PRRC2C: variants seen among roughly 807,000 people sequenced by gnomAD.
PRRC2C encodes the protein proline rich coiled-coil 2C.
PRRC2C carries 72 observed loss-of-function variants against 317.2 expected under a neutral mutation model. The observed-to-expected ratio is 0.23, with a 90% CI of 0.19 to 0.28. The LOEUF (loss-of-function observed/expected upper bound fraction) is 0.28. PRRC2C is among the 10% of genes least tolerant of loss of function. The probability of loss-of-function intolerance (pLI) is 1.00; values close to 1 mark genes in which losing one functional copy is unlikely to be tolerated. For synonymous variants in PRRC2C, 1,296 were observed against 1,205.9 expected (o/e 1.07, Z -1.55); for missense variants, 3,074 against 3,459.7 (o/e 0.89, Z 2.80).
chr1:171,524,389 A>T (rs7536075), intron 9 of PRRC2C, among the ~76,000 whole-genome samples: 121,913 of 151,598 alleles, frequency 0.8, 49,131 homozygotes, highest in Middle Eastern at 0.9. Flanking sequence ...CATTGTGACA[A>T]ACATCGTTTT....
chr1:171,521,893 A>G (rs955234860), intron 6 of PRRC2C, among the ~76,000 whole-genome samples: 1 of 152,202 alleles, frequency 6.6e-6, no homozygotes, highest in African/African-American at 2.4e-5. Context: ...TAATGTGTAC[A>G]TATCTTGTTG....
At chr1:171,537,971 G>C (rs1201467478) in intron 15 of PRRC2C, among the ~76,000 whole-genome samples, 1 of 152,136 alleles carries the variant, frequency 6.6e-6, no homozygotes, top group Non-Finnish European at 1.5e-5. Flanking sequence ...CGCGATCTCA[G>C]CTCACTGCAA....
At chr1:171,528,255 C>G (rs938519348) in intron 11 of PRRC2C, among the ~76,000 whole-genome samples, 15 of 150,680 alleles carry the variant, frequency 1.0e-4, no homozygotes, top group Non-Finnish European at 1.5e-5. Flanking sequence ...ATTGCAGTGT[C>G]TACCCTATTT....
chr1:171,499,807 C>T (rs1268880585), intron 1 of PRRC2C, among the ~76,000 whole-genome samples: 2 of 151,512 alleles, frequency 1.3e-5, no homozygotes, highest in Non-Finnish European at 2.9e-5. Context: ...CAAAAAAAGA[C>T]GAAACAGAAA....
At chr1:171,556,462 A>T (rs1356994277) in intron 18 of PRRC2C, among the ~76,000 whole-genome samples, 2 of 152,156 alleles carry the variant, frequency 1.3e-5, no homozygotes, top group African/African-American at 4.8e-5. Flanking sequence ...GAGATGAACC[A>T]GGTATCTCAT....
In PRRC2C at chr1:171,532,258, TG is replaced by T. The variant is rs936853407; in HGVS notation, c.1255-81del. 5.1e-6 allele frequency: 7 copies of T among 1,377,442 alleles called. No homozygotes were observed. The African/African-American group carries it at 1.0e-4, about 20-fold the overall frequency. The allele number at this position is 1,377,442 out of a possible 1,614,324, so 85.3% of individuals were successfully genotyped here. A position where few individuals can be genotyped will look rare whatever the true frequency, so the allele number is the denominator to read the frequency against. ...ATCAGAGAAATTTCTGATATTTTTG[TG>T]GGGTTTTTCCTTCTCCATGCCTGAT... On this transcript the variant is annotated intron_variant, in intron 11 of 34. Coordinates refer to ENST00000647382, the MANE Select transcript of PRRC2C (RefSeq NM_001387844.1).
At position 171,536,214 on chromosome 1, in the gene PRRC2C, G is replaced by A. The variant is rs1676798622; in HGVS notation, c.2229G>A (p.Gln743=). 6.2e-7 allele frequency: 1 copy of A among 1,613,478 alleles called. No individual in the cohort carries two copies. Among genetic ancestry groups the A allele is most frequent in the Non-Finnish European group, 8.5e-7 (1 of 1,179,680 alleles). ...MGFDPRWLMM[Q]SYMDPRMMSG... ...TTGATCCAAGGTGGCTCATGATGCA[G>A]TCCTACATGGATCCTCGAATGATGT... The change falls in exon 14 of 35, where the codon CAG becomes CAA. Residue 743 remains glutamine, a synonymous_variant. Coordinates refer to ENST00000647382, the MANE Select transcript of PRRC2C (RefSeq NM_001387844.1).
At position 171,513,217 on chromosome 1, in the gene PRRC2C, G is replaced by T. The variant is rs980972777; in HGVS notation, c.290+45G>T. 6.5e-6 allele frequency: 10 copies of T among 1,547,652 alleles called. No homozygotes were observed. The African/African-American group carries it at 1.2e-4, about 19-fold the overall frequency. On this transcript the variant is annotated intron_variant, in intron 3 of 34. Coordinates refer to ENST00000647382, the MANE Select transcript of PRRC2C (RefSeq NM_001387844.1). ...AGAATGAAGCCCTTCCCCTTTCTTT[G>T]TAGGGAACTTATGTTTGAGTACCTG...
Position 171,540,599 on chromosome 1 carries a change from A to G in PRRC2C, c.3133A>G (p.Thr1045Ala). The change falls in exon 16 of 35, where the codon ACT (threonine) becomes GCT (alanine). Residue 1045 changes from threonine (T) to alanine (A), a missense_variant. Around this residue, in one of 11 missense-constraint regions of PRRC2C, gnomAD observed 1,320 missense variants for 1,395.7 expected, o/e 0.95. Transcript: ENST00000647382. ...EKEGEKAEKV[T>A]EKVVVKPEKT... ...AGAAGGAGAAAAGGCCGAAAAGGTC[A>G]CTGAAAAAGTAGTTGTAAAGCCTGA... 5 of 1,613,980 alleles carry G rather than the reference A, an allele frequency of 3.1e-6. No homozygotes were observed. Among genetic ancestry groups the G allele is most frequent in the Non-Finnish European group, 4.2e-6 (5 of 1,179,888 alleles).
chr1:171,512,957 A>G (rs1671656305), intron 2 of PRRC2C, 38 bp from the exon 3 acceptor site: 1 of 1,546,440 alleles, frequency 6.5e-7, no homozygotes, highest in South Asian at 1.3e-5. Flanking sequence ...GGGTAATAAA[A>G]TAGATGTTCT....
chr1:171,560,415 G>A (rs1378814248), intron 19 of PRRC2C, among the ~76,000 whole-genome samples: 1 of 117,818 alleles, frequency 8.5e-6, no homozygotes, highest in Non-Finnish European at 1.9e-5. Context: ...CTCCAGTTTT[G>A]AAAGAAGTTC....
rs1684336922 is a variant in PRRC2C, at chr1:171,569,575, A to AATATATATATATATACAT, written c.6651+1251_6651+1252insCATATATATATATATATA. On this transcript the variant is annotated intron_variant, in intron 23 of 34. Transcript: ENST00000647382. ...CCCCCACTTTTATGAAAGTGGTTTA[A>AATATATATATATATACAT]ATATATATATATATATATGGTTTTT... Among the ~76,000 whole-genome samples the AATATATATATATATACAT allele has an allele frequency of 8.3e-5, 5 of 60,130 alleles. 2 individuals are homozygous for AATATATATATATATACAT. The highest frequency in any genetic ancestry group is 1.7e-4 in the Non-Finnish European group (5 of 29,816). 39.4% of individuals were successfully genotyped at this position (60,130 alleles called of 152,430 possible).
chr1:171,528,667 G>A (rs1432613396), intron 11 of PRRC2C, among the ~76,000 whole-genome samples: 1 of 152,140 alleles, frequency 6.6e-6, no homozygotes, highest in Admixed American at 6.6e-5. Flanking sequence ...CTCCAGGCAT[G>A]CTTTCTTTTC....
intron 6 of PRRC2C, among the ~76,000 whole-genome samples, chr1:171,520,415 A>G (rs982951120): frequency 1.3e-5 from 2 of 152,224 alleles, no homozygotes; most frequent in Non-Finnish European, 2.9e-5. Flanking sequence ...AAAGAGGGGA[A>G]ACCACGTGGG....
In PRRC2C at chr1:171,540,955, A is replaced by G. The variant is rs752199529; in HGVS notation, c.3489A>G (p.Lys1163=). 2 of 1,614,030 alleles carry G rather than the reference A, an allele frequency of 1.2e-6. No homozygotes were observed. The highest frequency in any genetic ancestry group is 1.7e-5 in the Admixed American group (1 of 60,022). ...CAGATTCAAGACCAGCAGTTAAAAAAGAATCAACTTTGCCTCCCAGGACCT... is the reference window on the plus strand; with the variant it reads ...CAGATTCAAGACCAGCAGTTAAAAAGGAATCAACTTTGCCTCCCAGGACCT... ...PRPDSRPAVK[K]ESTLPPRTYW... Residue 1163 remains lysine (K), a synonymous_variant, in exon 16 of 35, where the codon AAA becomes AAG. Transcript: ENST00000647382.
chr1:171,541,635 G>T lies in PRRC2C; in HGVS notation c.4169G>T (p.Gly1390Val), dbSNP rs1455525475. ...RQSEVPKPED[G>V]EPPRRHEQFI... Reference sequence around the variant, plus strand: ...TCAGAAGTTCCTAAACCAGAAGATGGAGAGCCGCCAAGAAGACATGAGCAG... The same window carrying T: ...TCAGAAGTTCCTAAACCAGAAGATGTAGAGCCGCCAAGAAGACATGAGCAG... Residue 1390 changes from glycine to valine, a missense_variant, in exon 16 of 35, where the codon GGA becomes GTA. Gly to Val is a moderately radical substitution (Grantham distance 109). Coordinates refer to ENST00000647382, the MANE Select transcript of PRRC2C (RefSeq NM_001387844.1). This position sits in a 1 kb window ranked among gnomAD's most constrained non-coding sequence, Gnocchi z 4.1. The T allele has an allele frequency of 1.9e-6, 3 of 1,613,792 alleles. No individual in the cohort carries two copies. In the Admixed American group the frequency reaches 5.0e-5, roughly 27 times the overall value.
At chr1:171,558,836 G>A (rs555118909) in intron 19 of PRRC2C, among the ~76,000 whole-genome samples, 3 of 152,258 alleles carry the variant, frequency 2.0e-5, no homozygotes, top group South Asian at 2.1e-4. Context: ...TCAAAAGCTG[G>A]GAACGACTAA....
Position 171,545,550 on chromosome 1 carries a change from A to G in PRRC2C, c.4835A>G (p.Glu1612Gly). ...LINGSSAHHQ[E>G]GVPNGTGQKN... ...AATGGCAGCTCTGCACACCATCAGG[A>G]AGGAGTACCTAATGGTACAGGACAA... is the stretch of plus-strand genomic sequence containing the variant. Residue 1612 changes from glutamate to glycine, a missense_variant, in exon 17 of 35, where the codon GAA becomes GGA. By Grantham distance (98) the Glu-to-Gly change is moderately conservative. This residue lies in a region of PRRC2C where 178 missense variants were observed against 163.0 expected (regional missense o/e 1.09). Transcript: ENST00000647382. 1 of 1,601,188 alleles carries G rather than the reference A, an allele frequency of 6.2e-7. No individual in the cohort carries two copies. The highest frequency in any genetic ancestry group is 8.5e-7 in the Non-Finnish European group (1 of 1,173,552).
intron 26 of PRRC2C, among the ~76,000 whole-genome samples, chr1:171,577,950 C>CTTT (rs59582313): frequency 9.6e-6 from 1 of 103,758 alleles, no homozygotes; most frequent in African/African-American, 3.8e-5. Context: ...GCTAATTTTT[C>CTTT]TTTTTTTTTT....
Sources: allele counts gnomAD v4.1 joint callset (sites outside exome capture counted in the v4.1 genomes callset), GRCh38; gene constraint gnomAD v4.1.1; regional missense constraint gnomAD v4.1.1; non-coding constraint Gnocchi (gnomAD v3.1); transcripts MANE v1.5; gene names NCBI Gene and HGNC (gene_info 2026-07-23, HGNC 2026-07-21).